The following ASXL3 variants were observed in gnomAD, a reference collection of about 807,000 sequenced individuals.
ASXL3 encodes ASXL transcriptional regulator 3.
Under a neutral mutation model 170.6 loss-of-function variants are expected in ASXL3, and 34 were observed. The ratio of observed to expected loss-of-function variants is 0.20; its 90% CI spans 0.15 to 0.27. The LOEUF is 0.27. ASXL3 is among the 10% of genes least tolerant of loss of function. The pLI is 1.00. For synonymous variants in ASXL3, 1,002 were observed against 989.1 expected, an observed-to-expected ratio of 1.01 and a Z score of -0.24; for missense variants, 2,592 against 2,695.3, an observed-to-expected ratio of 0.96 and a Z score of 0.85.
intron 4 of ASXL3, among the ~76,000 whole-genome samples, chr18:33,657,847 A>C (rs2066108725): frequency 6.6e-6 from 1 of 152,148 alleles, no homozygotes; most frequent in Non-Finnish European, 1.5e-5. Flanking sequence ...AGGCAAGCAA[A>C]ATGTAGACAG....
intron 4 of ASXL3, among the ~76,000 whole-genome samples, chr18:33,651,720 G>C (rs1458902548): frequency 6.6e-6 from 1 of 152,082 alleles, no homozygotes; most frequent in Non-Finnish European, 1.5e-5. Flanking sequence ...AAAGTATTTT[G>C]TAAAAACTGA....
At chr18:33,633,505 T>C (rs924300603) in intron 2 of ASXL3, among the ~76,000 whole-genome samples, 9 of 152,214 alleles carry the variant, frequency 5.9e-5, no homozygotes, top group African/African-American at 4.8e-5. Context: ...TAATGCCTTA[T>C]ACATCTTATC....
intron 1 of ASXL3, among the ~76,000 whole-genome samples, chr18:33,579,683 T>C (rs998093066): frequency 3.9e-5 from 6 of 152,118 alleles, no homozygotes; most frequent in Non-Finnish European, 7.4e-5. Flanking sequence ...TTCTGTACAG[T>C]GTGTCTCGGG....
intron 8 of ASXL3, among the ~76,000 whole-genome samples, chr18:33,722,520 CCTAA>C (rs1427647800): frequency 1.6e-4 from 25 of 152,086 alleles, no homozygotes; most frequent in Admixed American, 1.2e-3. Flanking sequence ...AGAGCAAGCC[CCTAA>C]CTCTTTTTTA....
intron 7 of ASXL3, among the ~76,000 whole-genome samples, chr18:33,680,678 T>C (rs1272664802): frequency 1.3e-5 from 2 of 152,086 alleles, no homozygotes; most frequent in African/African-American, 4.8e-5. Context: ...CAGTAAATTA[T>C]TCCTTATACA....
intron 8 of ASXL3, among the ~76,000 whole-genome samples, chr18:33,702,507 T>G (rs2066889841): frequency 6.6e-6 from 1 of 152,198 alleles, no homozygotes; most frequent in South Asian, 2.1e-4. Flanking sequence ...GAACTCCCCT[T>G]TTCCCTGATC....
chr18:33,675,065 T>C (rs550262741), intron 7 of ASXL3, among the ~76,000 whole-genome samples: 1 of 152,350 alleles, frequency 6.6e-6, no homozygotes, highest in African/African-American at 2.4e-5. Context: ...TGTCTACATC[T>C]GTAGTCCTTA....
At chr18:33,690,920 T>G (rs1383021207) in intron 8 of ASXL3, among the ~76,000 whole-genome samples, 1 of 152,090 alleles carries the variant, frequency 6.6e-6, no homozygotes, top group Non-Finnish European at 1.5e-5. Context: ...TCACCATGGT[T>G]GGACTCTAAA....
At chr18:33,700,845 G>A (rs1350197615) in intron 8 of ASXL3, among the ~76,000 whole-genome samples, 2 of 152,032 alleles carry the variant, frequency 1.3e-5, no homozygotes, top group Non-Finnish European at 2.9e-5. Flanking sequence ...AAAACTAGGG[G>A]AATGAAGAAA....
intron 2 of ASXL3, among the ~76,000 whole-genome samples, chr18:33,632,278 T>G (rs1399187637): frequency 2.0e-5 from 3 of 152,122 alleles, no homozygotes; most frequent in Non-Finnish European, 4.4e-5. Context: ...TAGTAATATT[T>G]TCTCATATAG....
intron 1 of ASXL3, among the ~76,000 whole-genome samples, chr18:33,581,266 G>A (rs2064989634): frequency 6.6e-6 from 1 of 152,078 alleles, no homozygotes; most frequent in African/African-American, 2.4e-5. Context: ...TTTTGCTGTT[G>A]TTGTTAGGGA....
chr18:33,625,760 T>C (rs1799172288), intron 2 of ASXL3: 1 of 152,060 alleles, frequency 6.6e-6, no homozygotes, highest in Admixed American at 6.6e-5. Context: ...TTTGTTTTAA[T>C]ATAGATAGAA....
chr18:33,740,449 G>A lies in ASXL3; in HGVS notation c.3039+6G>A. 6.5e-7 allele frequency: 1 copy of A among 1,528,224 alleles called. No individual in the cohort carries two copies. The highest frequency in any genetic ancestry group is 1.3e-5 in the South Asian group (1 of 75,400). 94.7% of individuals were successfully genotyped at this position (1,528,224 alleles called of 1,614,324 possible). On this transcript the variant is annotated splice_donor_region_variant and intron_variant, in intron 11 of 11. Coordinates refer to ENST00000269197, the MANE Select transcript of ASXL3 (RefSeq NM_030632.3). ...CAAGGGTTCCCCCTCTCAAGGTATG[G>A]TATTAAATAAACAAAAGGCAATTCC... is the stretch of plus-strand genomic sequence containing the variant.
rs2145412814 is a variant in ASXL3, at chr18:33,738,959, A to G, written c.1555A>G (p.Ile519Val). The G allele has an allele frequency of 1.2e-6, 2 of 1,613,752 alleles. No homozygotes were observed. The highest frequency in any genetic ancestry group is 8.5e-7 in the Non-Finnish European group (1 of 1,179,812). The part of the protein sequence containing the change: ...LETLPHIEVK[I>V]EGKSESPQEE... Reference sequence around the variant, plus strand: ...AACTTTGCCTCATATTGAAGTTAAGATAGAAGGGAAGTCAGAATCACCCCA... The same window carrying G: ...AACTTTGCCTCATATTGAAGTTAAGGTAGAAGGGAAGTCAGAATCACCCCA... The change falls in exon 11 of 12, where the codon ATA becomes GTA. Residue 519 changes from isoleucine (I) to valine (V), a missense_variant. Around this residue, in one of 4 missense-constraint regions of ASXL3, gnomAD observed 2,246 missense variants for 2,219.6 expected, o/e 1.01. Transcript: ENST00000269197.
At chr18:33,737,356 C>T (rs1369166209) in intron 10 of ASXL3, among the ~76,000 whole-genome samples, 1 of 152,122 alleles carries the variant, frequency 6.6e-6, no homozygotes, top group African/African-American at 2.4e-5. Flanking sequence ...TATATTTCTT[C>T]ACTTAAATGT....
At chr18:33,651,561 T>C (rs1003762668) in intron 4 of ASXL3, among the ~76,000 whole-genome samples, 1 of 152,052 alleles carries the variant, frequency 6.6e-6, no homozygotes, top group African/African-American at 2.4e-5. Context: ...CTGGGGAGTA[T>C]TGAGAAGAAT....
At chr18:33,712,471 A>G (rs2067084373) in intron 8 of ASXL3, among the ~76,000 whole-genome samples, 1 of 152,210 alleles carries the variant, frequency 6.6e-6, no homozygotes, top group South Asian at 2.1e-4. Context: ...GGAGCCAGTC[A>G]TTTAATCTCT....
intron 8 of ASXL3, among the ~76,000 whole-genome samples, chr18:33,717,318 T>C (rs1183092599): frequency 6.6e-6 from 1 of 152,128 alleles, no homozygotes; most frequent in Non-Finnish European, 1.5e-5. Flanking sequence ...ATGATATCTG[T>C]GTTCCATTTT....
Position 33,743,571 on chromosome 18 carries a change from C to T in ASXL3, c.3723C>T (p.Cys1241=), listed in dbSNP as rs1432319550. Residue 1241 remains cysteine, a synonymous_variant, in exon 12 of 12, where the codon TGC becomes TGT. Transcript: ENST00000269197. Reference sequence around the variant, plus strand: ...AAAATTCTGTCCCTGTATCTGTTTGCAGCACTGCTATATCGGGAGCAATTA... The same window carrying T: ...AAAATTCTGTCCCTGTATCTGTTTGTAGCACTGCTATATCGGGAGCAATTA... ...FNKNSVPVSV[C]STAISGAIKE... is the part of the protein sequence containing the mutation. The T allele has an allele frequency of 5.0e-6, 8 of 1,613,124 alleles. No individual in the cohort carries two copies. In the East Asian group the frequency reaches 8.9e-5, roughly 18 times the overall value.
Sources: gnomAD v4.1 joint callset for allele counts (sites outside exome capture counted in the v4.1 genomes callset) on GRCh38, gnomAD v4.1.1 for gene constraint, gnomAD v4.1.1 regional missense constraint, MANE v1.5 for transcripts, NCBI Gene and HGNC (gene_info 2026-07-23, HGNC 2026-07-21) for gene names.